Variants in PDZD2 observed in about 807,000 individuals in gnomAD.
PDZD2 encodes the protein PDZ domain containing 2.
PDZD2 carries 90 observed loss-of-function variants against 220.7 expected under a neutral mutation model. The observed-to-expected ratio is 0.41, with a 90% CI of 0.34 to 0.49. The LOEUF (loss-of-function observed/expected upper bound fraction) is 0.49, where lower values mean the gene tolerates loss of function less well. PDZD2 is among the 20% of genes least tolerant of loss of function. The pLI, the probability that PDZD2 is intolerant of heterozygous loss-of-function variation, is 0.28. For missense variants in PDZD2, 3,174 were observed against 3,608.5 expected (o/e 0.88, Z 3.08); for synonymous variants, 1,375 against 1,450.5 (o/e 0.95, Z 1.18).
chr5:31,853,082 T>G (rs7710487), intron 2 of PDZD2, among the ~76,000 whole-genome samples: 12,437 of 152,224 alleles, frequency 0.082, 627 homozygotes, highest in Middle Eastern at 0.15. Flanking sequence ...CCCATAAAAC[T>G]TATAGGATGC....
At chr5:31,982,062 C>T (rs1005369405) in intron 2 of PDZD2, among the ~76,000 whole-genome samples, 1 of 152,196 alleles carries the variant, frequency 6.6e-6, no homozygotes, top group Non-Finnish European at 1.5e-5. Context: ...CCATGCTGAG[C>T]GTCCTTTATT....
At chr5:31,926,848 A>C (rs895405001) in intron 2 of PDZD2, among the ~76,000 whole-genome samples, 11 of 55,476 alleles carry the variant, frequency 2.0e-4, no homozygotes, top group Non-Finnish European at 3.6e-4. Context: ...TTGGATAAAC[A>C]AAGTGTGATA....
At chr5:31,856,716 C>T (rs1409830862) in intron 2 of PDZD2, among the ~76,000 whole-genome samples, 1 of 152,022 alleles carries the variant, frequency 6.6e-6, no homozygotes, top group East Asian at 1.9e-4. Flanking sequence ...ATGGTGAGTC[C>T]ATTGCACTGT....
chr5:31,840,608 C>G, intron 2 of PDZD2: 1 of 716,506 alleles, frequency 1.4e-6, no homozygotes, highest in Non-Finnish European at 2.6e-6. Flanking sequence ...ACCCAGGTAC[C>G]TTTCTGATAG....
At chr5:31,700,392 G>A (rs957113071) in intron 1 of PDZD2, among the ~76,000 whole-genome samples, 1 of 152,090 alleles carries the variant, frequency 6.6e-6, no homozygotes, top group Non-Finnish European at 1.5e-5. Flanking sequence ...GTGTTAAAGA[G>A]ATGATTTCCA....
At chr5:31,817,185 CAA>C (rs33979989) in intron 2 of PDZD2, among the ~76,000 whole-genome samples, 5 of 95,714 alleles carry the variant, frequency 5.2e-5, no homozygotes, top group African/African-American at 8.5e-5. Flanking sequence ...GACTCCGTCT[CAA>C]AAAAAAAAAA....
chr5:31,841,863 C>CG (rs372545254), intron 2 of PDZD2, among the ~76,000 whole-genome samples: 2,765 of 151,512 alleles, frequency 0.018, 42 homozygotes, highest in Non-Finnish European at 0.028. Flanking sequence ...CCCAGCTACT[C>CG]GGGAGGCTGA....
chr5:32,058,210 A>G, intron 12 of PDZD2, 107 bp downstream of exon 12: 3 of 680,734 alleles, frequency 4.4e-6, no homozygotes, highest in Non-Finnish European at 7.9e-6. Flanking sequence ...CCTTTGGTAC[A>G]ATCTTCTATC....
chr5:31,912,466 T>A (rs935503512), intron 2 of PDZD2, among the ~76,000 whole-genome samples: 1 of 152,154 alleles, frequency 6.6e-6, no homozygotes, highest in Admixed American at 6.5e-5. Context: ...TCCTCCAATT[T>A]TGGAGGAACA....
chr5:31,903,994 A>C (rs962862875), intron 2 of PDZD2, among the ~76,000 whole-genome samples: 7 of 149,746 alleles, frequency 4.7e-5, no homozygotes, highest in Non-Finnish European at 1.0e-4. Flanking sequence ...AAAGTGCCAA[A>C]GTGCTGGGAT....
chr5:31,744,288 G>A (rs191880369), intron 1 of PDZD2: 1 of 152,150 alleles, frequency 6.6e-6, no homozygotes, highest in Non-Finnish European at 1.5e-5. Context: ...GGGCAGAGTT[G>A]TTAGTTTGGC....
At chr5:31,768,170 C>G (rs1458957170) in intron 1 of PDZD2, among the ~76,000 whole-genome samples, 1 of 152,270 alleles carries the variant, frequency 6.6e-6, no homozygotes, top group Non-Finnish European at 1.5e-5. Flanking sequence ...AGAGGTTTAG[C>G]AACAGCACGC....
chr5:32,101,146 C>T lies in PDZD2; in HGVS notation c.8260C>T (p.Leu2754=). The T allele has an allele frequency of 6.2e-7, 1 of 1,614,066 alleles. No individual in the cohort carries two copies. The highest frequency in any genetic ancestry group is 8.5e-7 in the Non-Finnish European group (1 of 1,179,954). ...AVHDALCVEV[L]KTSAGLGLSL... ...ACACGATGCTCTGTGTGTTGAAGTG[C>T]TGAAGACCTCGGCTGGGCTGGGACT... is the stretch of plus-strand genomic sequence containing the variant. The change falls in exon 24 of 25, where the codon CTG becomes TTG. Residue 2754 remains leucine, a synonymous_variant. Coordinates refer to ENST00000438447, the MANE Select transcript of PDZD2 (RefSeq NM_178140.4).
intron 2 of PDZD2, among the ~76,000 whole-genome samples, chr5:31,964,684 T>G (rs562839633): frequency 4.6e-5 from 7 of 152,210 alleles, no homozygotes; most frequent in Non-Finnish European, 7.3e-5. Context: ...AAATATTTGG[T>G]TGGTACAAAA....
chr5:32,096,775 A>C (rs1448201716), intron 21 of PDZD2, among the ~76,000 whole-genome samples: 1 of 150,148 alleles, frequency 6.7e-6, no homozygotes, highest in Non-Finnish European at 1.5e-5. Context: ...TAAATTGTAG[A>C]CTTAAAGAAT....
chr5:31,923,108 C>G (rs1011468144), intron 2 of PDZD2, among the ~76,000 whole-genome samples: 3 of 151,724 alleles, frequency 2.0e-5, no homozygotes, highest in Admixed American at 1.3e-4. Flanking sequence ...GCCTGGCCAA[C>G]ATGGTGAAAC....
intron 6 of PDZD2, among the ~76,000 whole-genome samples, chr5:32,025,590 G>GTTTTTTTTTTTTT (rs1754582025): frequency 1.5e-5 from 1 of 67,654 alleles, no homozygotes; most frequent in African/African-American, 7.0e-5. Context: ...TAACCATGAT[G>GTTTTTTTTTTTTT]CTTTTTTTTT....
chr5:31,869,286 T>C (rs1262201931), intron 2 of PDZD2, among the ~76,000 whole-genome samples: 3 of 152,180 alleles, frequency 2.0e-5, no homozygotes, highest in African/African-American at 7.2e-5. Flanking sequence ...TCCTCAGCCC[T>C]CACCGCTTGG....
rs1580835300 is a variant in PDZD2, at chr5:31,826,507, T to C, written c.476+26783T>C. ...GACCAACATGGTGAAACCCTGTCTC[T>C]ACTAAAAATACAAAAAAAATTAGCC... On this transcript the variant is annotated intron_variant, in intron 2 of 24. Transcript: ENST00000438447. Among the ~76,000 whole-genome samples, 4 of 152,106 alleles carry C rather than the reference T, an allele frequency of 2.6e-5. No individual in the cohort carries two copies. The East Asian group carries it at 5.8e-4, about 22-fold the overall frequency.
Sources: gnomAD v4.1 joint callset for allele counts (sites outside exome capture counted in the v4.1 genomes callset) on GRCh38, gnomAD v4.1.1 for gene constraint, MANE v1.5 for transcripts, NCBI Gene and HGNC (gene_info 2026-07-23, HGNC 2026-07-21) for gene names.